The following COPRS variants were observed in gnomAD, a reference collection of about 807,000 sequenced individuals.
The protein encoded by COPRS is coordinator of PRMT5 and differentiation stimulator.
In COPRS, 11 loss-of-function variants were observed where a neutral mutation model predicts 19.9. That is an observed-to-expected ratio of 0.55 (90% CI 0.35 to 0.92). The LOEUF (loss-of-function observed/expected upper bound fraction) is 0.92, where lower values mean the gene tolerates loss of function less well. Among genes scored for constraint, COPRS ranks in the 40% least tolerant of loss-of-function variants. The pLI is 0.01. For missense variants in COPRS, 225 were observed against 229.9 expected (o/e 0.98, Z 0.14); for synonymous variants, 81 against 82.7 (o/e 0.98, Z 0.11).
chr17:31,852,965 C>A lies in COPRS; in HGVS notation c.232G>T (p.Glu78Ter). 1.9e-6 allele frequency: 3 copies of A among 1,614,170 alleles called. No homozygotes were observed. Among genetic ancestry groups the A allele is most frequent in the Non-Finnish European group, 2.5e-6 (3 of 1,180,020 alleles). ...TCCTCCTCATCCATGGCAAAGCCTT[C>A]CTCTTCAGAATGGGTGCCCTCACCC... is the stretch of plus-strand genomic sequence containing the variant. ...ARGEGTHSEEEGFAMDEEDSD... is the reference protein window; with the variant it reads ...ARGEGTHSEE Residue 78 changes from glutamate (E) to a stop codon, truncating the protein, a stop_gained, in exon 3 of 4, where the codon GAA (glutamate) becomes TAA (stop). Transcript: ENST00000302362. LOFTEE classifies it high-confidence loss of function.
chr17:31,853,937 A>AC (rs1358078385), intron 2 of COPRS, among the ~76,000 whole-genome samples: 3 of 152,350 alleles, frequency 2.0e-5, no homozygotes, highest in African/African-American at 7.2e-5. Flanking sequence ...GTCCCAGGAG[A>AC]GAAGGCAATC....
rs1774953689 is a variant in COPRS at position 31,851,962 on chromosome 17, C to T, written c.*177G>A. 1 of 628,042 alleles carries T rather than the reference C, an allele frequency of 1.6e-6. No individual in the cohort carries two copies. Among genetic ancestry groups the T allele is most frequent in the Admixed American group, 3.1e-5 (1 of 32,470 alleles). The allele number at this position is 628,042 out of a possible 1,614,324, so 38.9% of individuals were successfully genotyped here. A position where few individuals can be genotyped will look rare whatever the true frequency, so the allele number is the denominator to read the frequency against. ...AGGAGGAGCCCATTAAGAACAACAA[C>T]AGACTGGCGAGAATGACGGGGCCTT... On this transcript the variant is annotated 3_prime_UTR_variant, in exon 4 of 4. Coordinates refer to ENST00000302362, the MANE Select transcript of COPRS (RefSeq NM_018405.4).
intron 3 of COPRS, 89 bp from the exon 4 acceptor site, chr17:31,852,397 G>C: frequency 1.0e-6 from 1 of 963,218 alleles, no homozygotes; most frequent in African/African-American, 1.6e-5. Flanking sequence ...ATGTCTAGGG[G>C]ACAGATCCTT....
At chr17:31,855,546 C>T (rs1367723018) in intron 2 of COPRS, among the ~76,000 whole-genome samples, 4 of 151,340 alleles carry the variant, frequency 2.6e-5, no homozygotes, top group African/African-American at 4.9e-5. Flanking sequence ...ATTAGCCAGG[C>T]GATATGGTGC....
At chr17:31,852,397 G>T (rs1265178668) in intron 3 of COPRS, 89 bp from the exon 4 acceptor site, 4 of 963,102 alleles carry the variant, frequency 4.2e-6, no homozygotes, top group East Asian at 2.4e-5. Flanking sequence ...ATGTCTAGGG[G>T]ACAGATCCTT....
Position 31,851,933 on chromosome 17 carries a change from T to C in COPRS, c.*206A>G. ...CCTCTTGACACAAACACACACACAT[T>C]TCAAGGAGGAGCCCATTAAGAACAA... On this transcript the variant is annotated 3_prime_UTR_variant, in exon 4 of 4. Coordinates refer to ENST00000302362, the MANE Select transcript of COPRS (RefSeq NM_018405.4). 1.8e-6 allele frequency: 1 copy of C among 558,348 alleles called. No individual in the cohort carries two copies. The highest frequency in any genetic ancestry group is 2.1e-5 in the South Asian group (1 of 47,880). 34.6% of individuals were successfully genotyped at this position (558,348 alleles called of 1,614,324 possible).
Position 31,852,992 on chromosome 17 carries a change from G to T in COPRS, c.205C>A (p.Arg69=). The change falls in exon 3 of 4, where the codon CGG becomes AGG. Residue 69 remains arginine, a synonymous_variant. Coordinates refer to ENST00000302362, the MANE Select transcript of COPRS (RefSeq NM_018405.4). The part of the protein sequence containing the change: ...TQSIPNDSPA[R]GEGTHSEEEG... ...TCTTCAGAATGGGTGCCCTCACCCC[G>T]GGCAGGACTGTCATTAGGAATGCTC... 6.2e-7 allele frequency: 1 copy of T among 1,613,924 alleles called. No individual in the cohort carries two copies. The highest frequency in any genetic ancestry group is 8.5e-7 in the Non-Finnish European group (1 of 1,179,822).
At position 31,852,937 on chromosome 17, in the gene COPRS, G is replaced by A; in HGVS notation, c.260C>T (p.Ser87Phe). 1.2e-6 allele frequency: 2 copies of A among 1,613,962 alleles called. No homozygotes were observed. The highest frequency in any genetic ancestry group is 1.7e-6 in the Non-Finnish European group (2 of 1,179,804). The part of the protein sequence containing the change: ...EEGFAMDEED[S>F]DGELNTWELS... ...CTCCCAGGTATTCAGTTCTCCATCA[G>A]AGTCCTCCTCATCCATGGCAAAGCC... is the stretch of plus-strand genomic sequence containing the variant. The change falls in exon 3 of 4, where the codon TCT (serine) becomes TTT (phenylalanine). Residue 87 changes from serine (S) to phenylalanine (F), a missense_variant. Ser to Phe is a radical substitution (Grantham distance 155, BLOSUM62 -2). Coordinates refer to ENST00000302362, the MANE Select transcript of COPRS (RefSeq NM_018405.4).
At chr17:31,858,496 A>T (rs1363222445) in intron 1 of COPRS, 1 of 706,094 alleles carries the variant, frequency 1.4e-6, no homozygotes, top group Non-Finnish European at 1.7e-6. Context: ...GCCGCTCAGC[A>T]CCTAGCCGGT....
At chr17:31,855,870 C>T (rs147431140) in intron 2 of COPRS, among the ~76,000 whole-genome samples, 1 of 150,820 alleles carries the variant, frequency 6.6e-6, no homozygotes, top group Non-Finnish European at 1.5e-5. Context: ...GTGGCATATG[C>T]CTGTAATCCA....
chr17:31,851,963 A>C lies in COPRS; in HGVS notation c.*176T>G. ...GGAGGAGCCCATTAAGAACAACAAC[A>C]GACTGGCGAGAATGACGGGGCCTTA... On this transcript the variant is annotated 3_prime_UTR_variant, in exon 4 of 4. Coordinates refer to ENST00000302362, the MANE Select transcript of COPRS (RefSeq NM_018405.4). The C allele has an allele frequency of 1.6e-6, 1 of 631,000 alleles. No homozygotes were observed. The allele number at this position is 631,000 out of a possible 1,614,324, so 39.1% of individuals were successfully genotyped here.
At position 31,852,209 on chromosome 17, in the gene COPRS, G is replaced by C. The variant is rs757869909; in HGVS notation, c.485C>G (p.Pro162Arg). Residue 162 changes from proline (P) to arginine (R), a missense_variant, in exon 4 of 4, where the codon CCG (proline) becomes CGG (arginine). By Grantham distance (103) the Pro-to-Arg change is moderately radical. Transcript: ENST00000302362. ...DMIYDPSWHH[P>R]PPLIPYYSKM... ...GGAATAATAGGGTATCAGTGGAGGCGGATGGTGCCAGCTGGGGTCATAGAT... is the reference window on the plus strand; with the variant it reads ...GGAATAATAGGGTATCAGTGGAGGCCGATGGTGCCAGCTGGGGTCATAGAT... 1 of 1,614,130 alleles carries C rather than the reference G, an allele frequency of 6.2e-7. No homozygotes were observed. Among genetic ancestry groups the C allele is most frequent in the Non-Finnish European group, 8.5e-7 (1 of 1,180,008 alleles).
intron 3 of COPRS, 100 bp from the exon 4 acceptor site, chr17:31,852,408 G>A (rs1192761204): frequency 2.3e-6 from 2 of 869,744 alleles, no homozygotes; most frequent in Non-Finnish European, 1.8e-6. Context: ...ACAGATCCTT[G>A]CACTTATTTT....
intron 2 of COPRS, chr17:31,856,500 T>G: frequency 1.8e-5 from 7 of 387,288 alleles, no homozygotes; most frequent in East Asian, 6.5e-5. Context: ...CAGGCATCCA[T>G]TGGGGCGGGG....
Position 31,859,113 on chromosome 17 carries a change from G to A in COPRS, c.87C>T (p.Pro29=), listed in dbSNP as rs1909456845. 5 of 1,092,342 alleles carry A rather than the reference G, an allele frequency of 4.6e-6. No individual in the cohort carries two copies. The Admixed American group carries it at 2.1e-4, about 45-fold the overall frequency. 67.7% of individuals were successfully genotyped at this position (1,092,342 alleles called of 1,614,324 possible). Reference sequence around the variant, plus strand: ...ACGCGGCGCTCACCTCCGGGCTGGGGGGCGCCCCCCGCGCGCTAGGCAGCG... The same window carrying A: ...ACGCGGCGCTCACCTCCGGGCTGGGAGGCGCCCCCCGCGCGCTAGGCAGCG... ...GPPLPSARGA[P]PSPEAGFATA... is the part of the protein sequence containing the mutation. The change falls in exon 1 of 4, where the codon CCC becomes CCT. Residue 29 remains proline (P), a synonymous_variant. Transcript: ENST00000302362.
At chr17:31,855,158 C>G (rs1286461650) in intron 2 of COPRS, among the ~76,000 whole-genome samples, 1 of 151,410 alleles carries the variant, frequency 6.6e-6, no homozygotes, top group Non-Finnish European at 1.5e-5. Flanking sequence ...GGCGGATCAC[C>G]TGAGGTCAGG....
Position 31,855,485 on chromosome 17 carries a change from C to T in COPRS, c.166+1314G>A, listed in dbSNP as rs113167166. Among the ~76,000 whole-genome samples the T allele has an allele frequency of 1.7e-3, 261 of 151,018 alleles. 2 individuals are homozygous for T. Among genetic ancestry groups the T allele is most frequent in the African/African-American group, 6.2e-3 (254 of 41,002 alleles). ...TAGTGCCACTGCCTGGGAGACAGAGCGAGACTCCGTCTCAAAAAATAAATA... is the reference window on the plus strand; with the variant it reads ...TAGTGCCACTGCCTGGGAGACAGAGTGAGACTCCGTCTCAAAAAATAAATA... On this transcript the variant is annotated intron_variant, in intron 2 of 3. Coordinates refer to ENST00000302362, the MANE Select transcript of COPRS (RefSeq NM_018405.4).
Position 31,853,538 on chromosome 17 carries a change from C to T in COPRS, c.167-508G>A, listed in dbSNP as rs113712915. On this transcript the variant is annotated intron_variant, in intron 2 of 3. Transcript: ENST00000302362. Reference sequence around the variant, plus strand: ...GGGATTACAAGCGCCCGCCACCACGCCCAGCTAATTTTTTTGTATTTTTAG... The same window carrying T: ...GGGATTACAAGCGCCCGCCACCACGTCCAGCTAATTTTTTTGTATTTTTAG... 2.5e-3 allele frequency among the ~76,000 whole-genome samples: 380 copies of T among 152,262 alleles called. 1 individual carries two copies. The highest frequency in any genetic ancestry group is 3.6e-3 in the Non-Finnish European group (245 of 68,022).
chr17:31,857,876 T>C (rs1909412082), intron 1 of COPRS, among the ~76,000 whole-genome samples: 1 of 152,214 alleles, frequency 6.6e-6, no homozygotes, highest in South Asian at 2.1e-4. Flanking sequence ...ACATCTAAAC[T>C]GTACTCGGCA....
Sources: gnomAD v4.1 joint callset for allele counts (sites outside exome capture counted in the v4.1 genomes callset) on GRCh38, gnomAD v4.1.1 for gene constraint, MANE v1.5 for transcripts, NCBI Gene and HGNC (gene_info 2026-07-23, HGNC 2026-07-21) for gene names.